PRKG1: variants seen among roughly 807,000 people sequenced by gnomAD.
PRKG1 encodes cGMP-dependent protein kinase 1.
In PRKG1, 35 loss-of-function variants were observed where a neutral mutation model predicts 88.1. The ratio of observed to expected loss-of-function variants is 0.40; its 90% confidence interval spans 0.30 to 0.53. The LOEUF (loss-of-function observed/expected upper bound fraction) is 0.53. Ranked by LOEUF, PRKG1 falls within the 20% of genes least tolerant of loss-of-function variation. The pLI, the probability that PRKG1 is intolerant of heterozygous loss-of-function variation, is 0.59. For missense variants in PRKG1, 540 were observed against 839.8 expected (o/e 0.64, Z 4.41); for synonymous variants, 303 against 292.5 (o/e 1.04, Z -0.37).
intron 14 of PRKG1, 96 bp downstream of exon 14, chr10:52,282,412 T>A (rs1330288631): frequency 1.7e-6 from 2 of 1,186,818 alleles, no homozygotes; most frequent in Admixed American, 5.4e-5. Flanking sequence ...CTTAAAGTAC[T>A]TTTCACCATA....
At chr10:51,970,039 CACACACACACA>C (rs1564733421) in intron 5 of PRKG1, among the ~76,000 whole-genome samples, 6 of 63,394 alleles carry the variant, frequency 9.5e-5, no homozygotes, top group African/African-American at 2.5e-4. Context: ...CACACACACA[CACACACACACA>C]CCCATATTTA....
chr10:51,130,759 C>T (rs1237274095), intron 1 of PRKG1, among the ~76,000 whole-genome samples: 8 of 151,806 alleles, frequency 5.3e-5, no homozygotes, highest in Admixed American at 3.3e-4. Flanking sequence ...AATAATCAAC[C>T]GGGCATGGTG....
intron 7 of PRKG1, among the ~76,000 whole-genome samples, chr10:52,101,954 C>A (rs1304194058): frequency 6.6e-6 from 1 of 152,116 alleles, no homozygotes; most frequent in African/African-American, 2.4e-5. Context: ...CTATTTTGTG[C>A]AAATGAAGTC....
intron 1 of PRKG1, among the ~76,000 whole-genome samples, chr10:51,099,494 G>T (rs1237191545): frequency 6.6e-6 from 1 of 151,728 alleles, no homozygotes; most frequent in Non-Finnish European, 1.5e-5. Flanking sequence ...GGTGTTTGTG[G>T]GCTCTCTTGG....
chr10:51,395,890 C>A (rs777817980), intron 2 of PRKG1, among the ~76,000 whole-genome samples: 4 of 152,118 alleles, frequency 2.6e-5, no homozygotes, highest in African/African-American at 4.8e-5. Context: ...CATTTCTGCC[C>A]TAGAAAGATT....
intron 3 of PRKG1, among the ~76,000 whole-genome samples, chr10:51,590,480 C>A (rs905250394): frequency 1.3e-5 from 2 of 152,020 alleles, no homozygotes; most frequent in South Asian, 4.1e-4. Flanking sequence ...TCATATATTC[C>A]CCAAACATTT....
At chr10:52,077,445 A>G (rs560546078) in intron 7 of PRKG1, among the ~76,000 whole-genome samples, 1 of 152,314 alleles carries the variant, frequency 6.6e-6, no homozygotes, top group African/African-American at 2.4e-5. Context: ...TATAGAGATG[A>G]CAGATGGCAG....
intron 5 of PRKG1, among the ~76,000 whole-genome samples, chr10:52,021,264 G>A (rs1366720484): frequency 6.6e-6 from 1 of 151,988 alleles, no homozygotes; most frequent in Non-Finnish European, 1.5e-5. Context: ...AGGCAGCCAT[G>A]TATGATATGT....
chr10:51,848,644 T>C (rs1225667497), intron 4 of PRKG1, among the ~76,000 whole-genome samples: 1 of 119,054 alleles, frequency 8.4e-6, no homozygotes, highest in Non-Finnish European at 1.7e-5. Flanking sequence ...TGTGTGTGTG[T>C]GTGTGTGTGT....
intron 9 of PRKG1, among the ~76,000 whole-genome samples, chr10:52,171,428 G>C (rs1838672300): frequency 1.3e-5 from 2 of 152,238 alleles, no homozygotes; most frequent in Admixed American, 1.3e-4. Flanking sequence ...TGGTCAGAAG[G>C]CAGCCCCATT....
chr10:51,604,521 T>C (rs12098656), intron 3 of PRKG1, among the ~76,000 whole-genome samples: 7,816 of 152,300 alleles, frequency 0.051, 253 homozygotes, highest in Middle Eastern at 0.16. Flanking sequence ...CATCATGGGC[T>C]CTCGCCACAC....
Position 51,699,052 on chromosome 10 carries a change from T to C in PRKG1, c.593-105533T>C, listed in dbSNP as rs759016606. On this transcript the variant is annotated intron_variant, in intron 3 of 17. Coordinates refer to ENST00000373980, the MANE Select transcript of PRKG1 (RefSeq NM_006258.4). The stretch of plus-strand genomic sequence containing the variant: ...CCTGCAACAGTGCATAAGCCAGTTG[T>C]GGATTTTGAAGTAACATGTTTCGAG... 8.7e-6 allele frequency: 14 copies of C among 1,614,084 alleles called. No individual in the cohort carries two copies. In the East Asian group the frequency reaches 3.1e-4, roughly 36 times the overall value.
Position 51,907,504 on chromosome 10 carries a change from C to T in PRKG1, c.699-3C>T, listed in dbSNP as rs758764840. 1.2e-6 allele frequency: 2 copies of T among 1,611,106 alleles called. No homozygotes were observed. The highest frequency in any genetic ancestry group is 1.1e-5 in the South Asian group (1 of 90,732). On this transcript the variant is annotated splice_polypyrimidine_tract_variant and splice_region_variant and intron_variant, in intron 4 of 17. Transcript: ENST00000373980. ...TTCAGCACTATTCTGTTTTGTTTTT[C>T]AGCGTTCCAACATTCCAGAGCCTTC...
At chr10:51,692,317 A>G (rs561601779) in intron 3 of PRKG1, among the ~76,000 whole-genome samples, 1 of 151,856 alleles carries the variant, frequency 6.6e-6, no homozygotes, top group Admixed American at 6.6e-5. Flanking sequence ...ATCTCGGCTC[A>G]CTGCAAGTTC....
chr10:51,065,488 T>C (rs994517662), intron 1 of PRKG1, among the ~76,000 whole-genome samples: 1 of 151,872 alleles, frequency 6.6e-6, no homozygotes, highest in Non-Finnish European at 1.5e-5. Flanking sequence ...TAGGGATGTA[T>C]TTTTTTTCCA....
intron 3 of PRKG1, among the ~76,000 whole-genome samples, chr10:51,492,694 C>T (rs971440272): frequency 1.1e-4 from 17 of 152,048 alleles, no homozygotes; most frequent in African/African-American, 4.1e-4. Flanking sequence ...ATAAAGAGTC[C>T]TATGCCTTAA....
intron 3 of PRKG1, among the ~76,000 whole-genome samples, chr10:51,724,869 CTTTT>C (rs556620255): frequency 5.4e-5 from 6 of 110,780 alleles, no homozygotes; most frequent in South Asian, 3.0e-4. Flanking sequence ...AATTTTTGTA[CTTTT>C]TTTTTTTTTT....
intron 14 of PRKG1, among the ~76,000 whole-genome samples, chr10:52,287,873 T>C (rs1842156358): frequency 6.6e-6 from 1 of 151,974 alleles, no homozygotes; most frequent in Non-Finnish European, 1.5e-5. Flanking sequence ...TAAATATTTA[T>C]TGCCTCCTTA....
intron 2 of PRKG1, among the ~76,000 whole-genome samples, chr10:51,177,746 A>G (rs1307968121): frequency 2.0e-5 from 3 of 152,114 alleles, no homozygotes; most frequent in Admixed American, 1.3e-4. Flanking sequence ...TGTTATGCAT[A>G]TATATTTATA....
Sources: allele counts gnomAD v4.1 joint callset (sites outside exome capture counted in the v4.1 genomes callset), GRCh38; gene constraint gnomAD v4.1.1; transcripts MANE v1.5; gene names NCBI Gene and HGNC (gene_info 2026-07-23, HGNC 2026-07-21).